RSPO2: variants seen among roughly 807,000 people sequenced by gnomAD.
RSPO2 encodes R-spondin 2.
A neutral mutation model predicts 30.9 loss-of-function variants in RSPO2; 14 were observed. The observed-to-expected ratio is 0.45, with a 90% CI of 0.30 to 0.71. RSPO2 has a LOEUF of 0.71. Ranked by LOEUF, RSPO2 falls within the 30% of genes least tolerant of loss-of-function variation. RSPO2 has a pLI of 0.08. For synonymous variants in RSPO2, 107 were observed against 96.4 expected (o/e 1.11, Z -0.64); for missense variants, 264 against 301.9 (o/e 0.87, Z 0.93).
At chr8:108,082,301 C>G (rs1430320175) in intron 2 of RSPO2, among the ~76,000 whole-genome samples, 1 of 152,236 alleles carries the variant, frequency 6.6e-6, no homozygotes, top group Non-Finnish European at 1.5e-5. Flanking sequence ...CCTGAGCGCC[C>G]GATTGGCGCC....
At chr8:107,910,866 T>C (rs561623821) in intron 5 of RSPO2, among the ~76,000 whole-genome samples, 13 of 152,262 alleles carry the variant, frequency 8.5e-5, no homozygotes, top group East Asian at 1.9e-4. Context: ...AAGACCAGCC[T>C]GGACAACATA....
At chr8:108,013,608 C>G (rs555257919) in intron 2 of RSPO2, among the ~76,000 whole-genome samples, 109 of 152,302 alleles carry the variant, frequency 7.2e-4, no homozygotes, top group African/African-American at 2.5e-3. Context: ...GGAAAGGATT[C>G]CCTATTTCAT....
intron 2 of RSPO2, among the ~76,000 whole-genome samples, chr8:108,034,974 A>G (rs1358530463): frequency 6.6e-6 from 1 of 152,360 alleles, no homozygotes; most frequent in East Asian, 1.9e-4. Context: ...ATCATAACAC[A>G]TAAATGTTTT....
intron 5 of RSPO2, among the ~76,000 whole-genome samples, chr8:107,946,133 G>C (rs780275045): frequency 3.9e-5 from 6 of 152,318 alleles, no homozygotes; most frequent in Middle Eastern, 3.4e-3. Flanking sequence ...CTCACACTTT[G>C]TGATCCTTCA....
At chr8:107,906,358 T>TAGC (rs1554625834) in intron 5 of RSPO2, among the ~76,000 whole-genome samples, 3 of 149,528 alleles carry the variant, frequency 2.0e-5, no homozygotes, top group African/African-American at 7.3e-5. Context: ...TTATATTTTA[T>TAGC]ATTTTATATT....
At chr8:108,047,788 T>C (rs1282542370) in intron 2 of RSPO2, among the ~76,000 whole-genome samples, 1 of 150,844 alleles carries the variant, frequency 6.6e-6, no homozygotes, top group Non-Finnish European at 1.5e-5. Flanking sequence ...GAGGCAGAGG[T>C]TGCAGTGAAC....
At chr8:107,906,726 A>G (rs1407751763) in intron 5 of RSPO2, among the ~76,000 whole-genome samples, 2 of 152,004 alleles carry the variant, frequency 1.3e-5, no homozygotes, top group Admixed American at 6.6e-5. Flanking sequence ...ACTATGTCCT[A>G]TGTAGCCTAA....
chr8:108,065,167 TAA>T (rs1342938171), intron 2 of RSPO2, among the ~76,000 whole-genome samples: 2 of 146,470 alleles, frequency 1.4e-5, no homozygotes, highest in African/African-American at 5.0e-5. Context: ...ATTTAAAGTA[TAA>T]GTTAAAAAAA....
rs763606467 is a variant in RSPO2 at position 108,082,684 on chromosome 8, T to C, written c.-46A>G. 2.0e-6 allele frequency: 3 copies of C among 1,537,086 alleles called. No individual in the cohort carries two copies. The Admixed American group carries it at 5.1e-5, about 26-fold the overall frequency. On this transcript the variant is annotated 5_prime_UTR_variant, in exon 2 of 6. Transcript: ENST00000276659. ...GAGACGCCTCTCAAAGTCTAGGAACTGGAGGGTTCGCCCAAAGAGCCGGCG... is the reference window on the plus strand; with the variant it reads ...GAGACGCCTCTCAAAGTCTAGGAACCGGAGGGTTCGCCCAAAGAGCCGGCG...
At chr8:108,053,147 C>A (rs958312525) in intron 2 of RSPO2, among the ~76,000 whole-genome samples, 19 of 152,118 alleles carry the variant, frequency 1.2e-4, no homozygotes, top group African/African-American at 4.6e-4. Context: ...ACCTCGGTTA[C>A]CTGCTGCCAC....
At chr8:107,933,839 A>G (rs1256443660) in intron 5 of RSPO2, among the ~76,000 whole-genome samples, 2 of 152,240 alleles carry the variant, frequency 1.3e-5, no homozygotes, top group African/African-American at 2.4e-5. Context: ...TCTAGTTTTA[A>G]GTTGTCCAGC....
chr8:107,966,158 A>G (rs1035584635), intron 3 of RSPO2, among the ~76,000 whole-genome samples: 6 of 152,208 alleles, frequency 3.9e-5, no homozygotes, highest in Admixed American at 3.9e-4. Context: ...GGCTTTAAGT[A>G]TTTAAGTAAT....
chr8:107,984,071 T>G (rs1207364946), intron 3 of RSPO2: 1 of 521,304 alleles, frequency 1.9e-6, no homozygotes, highest in Non-Finnish European at 3.4e-6. Context: ...ATCCCGGAAA[T>G]GCTTCATCTG....
chr8:107,909,443 A>C (rs919306406), intron 5 of RSPO2, among the ~76,000 whole-genome samples: 1 of 151,812 alleles, frequency 6.6e-6, no homozygotes, highest in Non-Finnish European at 1.5e-5. Flanking sequence ...TTGTATTTTT[A>C]GTAGAGACAG....
At chr8:107,981,051 T>C (rs900841514) in intron 3 of RSPO2, among the ~76,000 whole-genome samples, 1 of 152,226 alleles carries the variant, frequency 6.6e-6, no homozygotes, top group African/African-American at 2.4e-5. Context: ...CATCAATATA[T>C]TTGGAAGTCT....
At chr8:108,082,214 A>G (rs1563595876) in intron 2 of RSPO2, among the ~76,000 whole-genome samples, 1 of 152,198 alleles carries the variant, frequency 6.6e-6, no homozygotes, top group Non-Finnish European at 1.5e-5. Flanking sequence ...CATGTCAGAT[A>G]AGAAATACGT....
At chr8:108,028,806 C>T (rs1022718859) in intron 2 of RSPO2, among the ~76,000 whole-genome samples, 1 of 152,176 alleles carries the variant, frequency 6.6e-6, no homozygotes, top group East Asian at 1.9e-4. Flanking sequence ...TCCTTCATAA[C>T]TTGGGCAAGT....
intron 2 of RSPO2, among the ~76,000 whole-genome samples, chr8:108,000,403 A>C (rs1466922341): frequency 6.6e-6 from 1 of 152,170 alleles, no homozygotes; most frequent in African/African-American, 2.4e-5. Flanking sequence ...TGGCTTGTGC[A>C]TCTGGTGGGG....
chr8:108,033,230 A>G (rs1811485790), intron 2 of RSPO2, among the ~76,000 whole-genome samples: 1 of 152,016 alleles, frequency 6.6e-6, no homozygotes. Context: ...CTGCAGCAAA[A>G]AATTATTGAT....
Sources: allele counts gnomAD v4.1 joint callset (sites outside exome capture counted in the v4.1 genomes callset), GRCh38; gene constraint gnomAD v4.1.1; transcripts MANE v1.5; gene names NCBI Gene and HGNC (gene_info 2026-07-23, HGNC 2026-07-21).